The following KRT5 variants were observed in gnomAD, a reference collection of about 807,000 sequenced individuals.
KRT5 encodes the protein keratin 5, also known as keratin, type II cytoskeletal 5.
Under a neutral mutation model 44.0 loss-of-function variants are expected in KRT5, and 17 were observed. The ratio of observed to expected loss-of-function variants is 0.39; its 90% CI spans 0.26 to 0.58. The LOEUF (loss-of-function observed/expected upper bound fraction) is 0.58, where lower values mean the gene tolerates loss of function less well. Among genes scored for constraint, KRT5 ranks in the 20% least tolerant of loss-of-function variants. The pLI, the probability that KRT5 is intolerant of heterozygous loss-of-function variation, is 0.61. For missense variants in KRT5, 737 were observed against 785.5 expected (o/e 0.94, Z 0.74); for synonymous variants, 329 against 312.8 (o/e 1.05, Z -0.55).
In KRT5 at chr12:52,519,085, C is replaced by T. The variant is rs147498164; in HGVS notation, c.631G>A (p.Val211Met). The change falls in exon 2 of 9, where the codon GTG becomes ATG. Residue 211 changes from valine to methionine, a missense_variant. By Grantham distance (21) the Val-to-Met change is conservative (BLOSUM62 1). Transcript: ENST00000252242. ...TLLQEQGTKT[V>M]RQNLEPLFEQ... is the part of the protein sequence containing the mutation. The stretch of plus-strand genomic sequence containing the variant: ...AACAACGGCTCCAGGTTCTGCCTCA[C>T]AGTCTTGGTGCCCTGCTCCTGCAGC... The T allele has an allele frequency of 1.9e-3, 3,088 of 1,614,208 alleles. 65 individuals are homozygous for T. The African/African-American group carries it at 0.038, about 20-fold the overall frequency.
intron 7 of KRT5, 197 bp downstream of exon 7, chr12:52,516,440 A>C: frequency 1.2e-5 from 7 of 606,844 alleles, no homozygotes; most frequent in East Asian, 6.1e-5. Context: ...GTGCCCAGGA[A>C]CACCGGTGGG....
rs558868908 is a variant in KRT5, at chr12:52,516,887, G to T, written c.1219-30C>A. On this transcript the variant is annotated intron_variant, in intron 6 of 8. Coordinates refer to ENST00000252242, the MANE Select transcript of KRT5 (RefSeq NM_000424.4). Reference sequence around the variant, plus strand: ...AGATAGAAAGGAGGAGAGTGGGGTTGCTTGGGACCTGAGGTGTCTCCTTCT... The same window carrying T: ...AGATAGAAAGGAGGAGAGTGGGGTTTCTTGGGACCTGAGGTGTCTCCTTCT... 5.6e-6 allele frequency: 9 copies of T among 1,610,890 alleles called. 1 individual carries two copies. The South Asian group carries it at 7.7e-5, about 14-fold the overall frequency.
intron 5 of KRT5, 102 bp from the exon 6 acceptor site, chr12:52,517,334 G>A: frequency 1.4e-6 from 2 of 1,448,886 alleles, no homozygotes; most frequent in Admixed American, 1.7e-5. Flanking sequence ...CAAATAGTGT[G>A]GGGCTGGTTC....
In KRT5 at chr12:52,520,253, C is replaced by T. The variant is rs372305341; in HGVS notation, c.44G>A (p.Arg15His). Reference sequence around the variant, plus strand: ...GATGGCAGAGGCGGTGCTGAAGCTACGACTGCCCCCGCTCCGGAAGGACAC... The same window carrying T: ...GATGGCAGAGGCGGTGCTGAAGCTATGACTGCCCCCGCTCCGGAAGGACAC... ...SSVSFRSGGS[R>H]SFSTASAITP... The change falls in exon 1 of 9, where the codon CGT becomes CAT. Residue 15 changes from arginine to histidine, a missense_variant. Physicochemically the swap from Arg to His is conservative, Grantham distance 29. Around this residue, in one of 5 missense-constraint regions of KRT5, gnomAD observed 326 missense variants for 333.1 expected, o/e 0.98. Transcript: ENST00000252242. 60 of 1,613,848 alleles carry T rather than the reference C, an allele frequency of 3.7e-5. 1 individual carries two copies. The South Asian group carries it at 4.5e-4, about 12-fold the overall frequency.
chr12:52,520,280 C>T lies in KRT5; in HGVS notation c.17G>A (p.Ser6Asn). 1 of 1,613,440 alleles carries T rather than the reference C, an allele frequency of 6.2e-7. No homozygotes were observed. The highest frequency in any genetic ancestry group is 8.5e-7 in the Non-Finnish European group (1 of 1,180,022). Residue 6 changes from serine (S) to asparagine (N), a missense_variant, in exon 1 of 9, where the codon AGT becomes AAT. Physicochemically the swap from Ser to Asn is conservative, Grantham distance 46 (BLOSUM62 1). Transcript: ENST00000252242. MSRQS[S>N]VSFRSGGSRS... ...ACTGCCCCCGCTCCGGAAGGACACACTTGACTGGCGAGACATGGTGGCTTG... is the reference window on the plus strand; with the variant it reads ...ACTGCCCCCGCTCCGGAAGGACACATTTGACTGGCGAGACATGGTGGCTTG...
At position 52,516,766 on chromosome 12, in the gene KRT5, T is replaced by C. The variant is rs752855887; in HGVS notation, c.1310A>G (p.Glu437Gly). ...DARNKLAELE[E>G]ALQKAKQDMA... The stretch of plus-strand genomic sequence containing the variant: ...GTCCTGCTTGGCCTTCTGCAGGGCC[T>C]CCTCCAGCTCGGCCAGCTTGTTCCT... Residue 437 changes from glutamate to glycine, a missense_variant, in exon 7 of 9, where the codon GAG becomes GGG. Physicochemically the swap from Glu to Gly is moderately conservative, Grantham distance 98 (BLOSUM62 -2). Transcript: ENST00000252242. The C allele has an allele frequency of 3.7e-6, 6 of 1,614,180 alleles. No homozygotes were observed. In the East Asian group the frequency reaches 1.3e-4, roughly 36 times the overall value.
Position 52,516,744 on chromosome 12 carries a change from C to A in KRT5, c.1332G>T (p.Gln444His), listed in dbSNP as rs1938617462. 1 of 1,614,246 alleles carries A rather than the reference C, an allele frequency of 6.2e-7. No individual in the cohort carries two copies. The change falls in exon 7 of 9, where the codon CAG becomes CAT. Residue 444 changes from glutamine to histidine, a missense_variant. By Grantham distance (24) the Gln-to-His change is conservative. Around this residue, in one of 5 missense-constraint regions of KRT5, gnomAD observed 344 missense variants for 351.6 expected, o/e 0.98. Transcript: ENST00000252242. ...ACTCACGCAGCAGCCGGGCCATGTC[C>A]TGCTTGGCCTTCTGCAGGGCCTCCT... is the stretch of plus-strand genomic sequence containing the variant. ...ELEEALQKAKQDMARLLREYQ... is the reference protein window; with the variant it reads ...ELEEALQKAKHDMARLLREYQ...
At chr12:52,516,136 G>T in intron 7 of KRT5, 2 of 513,780 alleles carry the variant, frequency 3.9e-6, no homozygotes, top group East Asian at 3.4e-5. Context: ...CCTTGTAGGA[G>T]TTACATTCTG....
intron 3 of KRT5, 22 bp downstream of exon 3, chr12:52,518,081 G>A: frequency 4.3e-6 from 7 of 1,613,932 alleles, no homozygotes; most frequent in Non-Finnish European, 5.1e-6. Context: ...CAGGCTGCTG[G>A]TTCTCTCCCA....
chr12:52,516,825 G>A lies in KRT5; in HGVS notation c.1251C>T (p.Ala417=), dbSNP rs553666316. 1.9e-5 allele frequency: 30 copies of A among 1,614,184 alleles called. No individual in the cohort carries two copies. Among genetic ancestry groups the A allele is most frequent in the African/African-American group, 1.2e-4 (9 of 75,056 alleles). ...CANLQNAIAD[A]EQRGELALKD... ...TGAGGGCCAGCTCCCCACGCTGCTC[G>A]GCATCCGCAATGGCGTTCTGCAGAT... The change falls in exon 7 of 9, where the codon GCC becomes GCT. Residue 417 remains alanine (A), a synonymous_variant. Coordinates refer to ENST00000252242, the MANE Select transcript of KRT5 (RefSeq NM_000424.4).
Position 52,519,757 on chromosome 12 carries a change from G to T in KRT5, c.540C>A (p.Ala180=), listed in dbSNP as rs374232804. 6.2e-7 allele frequency: 1 copy of T among 1,613,980 alleles called. No individual in the cohort carries two copies. Among genetic ancestry groups the T allele is most frequent in the South Asian group, 1.1e-5 (1 of 91,054 alleles). The stretch of plus-strand genomic sequence containing the variant: ...CGTAGCTCACCTTGTCGATGAAGGA[G>T]GCAAACTTATTGTTGAGGGTCTTGA... ...EQIKTLNNKF[A]SFIDKVRFLE... The change falls in exon 1 of 9, where the codon GCC becomes GCA. Residue 180 remains alanine, a synonymous_variant. Transcript: ENST00000252242.
Position 52,520,062 on chromosome 12 carries a change from T to G in KRT5, c.235A>C (p.Ser79Arg). Residue 79 changes from serine to arginine, a missense_variant, in exon 1 of 9, where the codon AGT (serine) becomes CGT (arginine). This residue lies in a region of KRT5 where 326 missense variants were observed against 333.1 expected (regional missense o/e 0.98). Coordinates refer to ENST00000252242, the MANE Select transcript of KRT5 (RefSeq NM_000424.4). The part of the protein sequence containing the change: ...GGSKRISIST[S>R]GGSFRNRFGA... ...AACCGGTTCCTGAAGCTGCCACCAC[T>G]AGTGCTGATGGATATCCTCTTGGAG... 2.5e-6 allele frequency: 4 copies of G among 1,613,912 alleles called. No individual in the cohort carries two copies. The highest frequency in any genetic ancestry group is 4.5e-5 in the East Asian group (2 of 44,852).
Position 52,514,948 on chromosome 12 carries a change from C to T in KRT5, c.1767G>A (p.Lys589=). The T allele has an allele frequency of 6.2e-7, 1 of 1,613,622 alleles. No individual in the cohort carries two copies. Among genetic ancestry groups the T allele is most frequent in the Non-Finnish European group, 8.5e-7 (1 of 1,179,898 alleles). The change falls in exon 9 of 9, where the codon AAG becomes AAA. Residue 589 remains lysine (K), a synonymous_variant. Coordinates refer to ENST00000252242, the MANE Select transcript of KRT5 (RefSeq NM_000424.4). ...STTSSSRKSF[K]S ...AGTGACTTGCAGCAGGTTCTTAGCTCTTGAAGCTCTTCCGGGAGGAGGAGG... is the reference window on the plus strand; with the variant it reads ...AGTGACTTGCAGCAGGTTCTTAGCTTTTGAAGCTCTTCCGGGAGGAGGAGG...
At chr12:52,517,849 T>G (rs1482118062) in intron 4 of KRT5, 48 bp downstream of exon 4, 2 of 1,609,968 alleles carry the variant, frequency 1.2e-6, no homozygotes, top group Middle Eastern at 1.7e-4. Context: ...TATGACAACT[T>G]GAGGAAAAAA....
At chr12:52,518,027 C>T (rs373654288) in intron 3 of KRT5, 35 bp from the exon 4 acceptor site, 321 of 1,610,162 alleles carry the variant, frequency 2.0e-4, no homozygotes, top group Non-Finnish European at 2.6e-4. Context: ...CTGCACACAC[C>T]GTCACCCTAC....
Position 52,514,986 on chromosome 12 carries a change from AT to A in KRT5, c.1728del (p.Lys576AsnfsTer51). ...GSGGGSSSSV[K>X]FVSTTSSSRK... is the part of the protein sequence containing the mutation. ...CGGGAGGAGGAGGTGGTGGAGACAA[AT>A]TTGACGCTGGAGCTGCTACCCCCGC... On this transcript the variant is annotated frameshift_variant, in exon 9 of 9. Transcript: ENST00000252242. LOFTEE classifies it high-confidence loss of function. 6.2e-7 allele frequency: 1 copy of A among 1,613,038 alleles called. No individual in the cohort carries two copies. Among genetic ancestry groups the A allele is most frequent in the Non-Finnish European group, 8.5e-7 (1 of 1,179,850 alleles).
At chr12:52,518,219 TC>T (rs1938647568) in intron 2 of KRT5, 56 bp from the exon 3 acceptor site, 1 of 1,532,138 alleles carries the variant, frequency 6.5e-7, no homozygotes, top group Non-Finnish European at 9.0e-7. Context: ...AGGTAAGGGG[TC>T]TTTATTATGC....
In KRT5 at chr12:52,517,169, T is replaced by C. The variant is rs1364056877; in HGVS notation, c.1156A>G (p.Ile386Val). The C allele has an allele frequency of 6.2e-7, 1 of 1,614,138 alleles. No individual in the cohort carries two copies. The highest frequency in any genetic ancestry group is 8.5e-7 in the Non-Finnish European group (1 of 1,180,022). Residue 386 changes from isoleucine (I) to valine (V), a missense_variant, in exon 6 of 9, where the codon ATC becomes GTC. Physicochemically the swap from Ile to Val is conservative, Grantham distance 29 (BLOSUM62 3). Transcript: ENST00000252242. ...GDDLRNTKHE[I>V]SEMNRMIQRL... ...TGGATCATCCGGTTCATCTCAGAGA[T>C]CTCATGCTTGGTGTTGCGGAGGTCA...
chr12:52,516,732 C>T lies in KRT5; in HGVS notation c.1344G>A (p.Arg448=), dbSNP rs1199438663. 1 of 1,614,244 alleles carries T rather than the reference C, an allele frequency of 6.2e-7. No individual in the cohort carries two copies. The highest frequency in any genetic ancestry group is 2.2e-5 in the East Asian group (1 of 44,876). The change falls in exon 7 of 9, where the codon CGG becomes CGA. Residue 448 remains arginine (R), a synonymous_variant. Transcript: ENST00000252242. ...TGAGCTCCTGGTACTCACGCAGCAGCCGGGCCATGTCCTGCTTGGCCTTCT... is the reference window on the plus strand; with the variant it reads ...TGAGCTCCTGGTACTCACGCAGCAGTCGGGCCATGTCCTGCTTGGCCTTCT... ...ALQKAKQDMA[R]LLREYQELMN... is the part of the protein sequence containing the mutation.
Sources: gnomAD v4.1 joint callset for allele counts on GRCh38, gnomAD v4.1.1 for gene constraint, gnomAD v4.1.1 regional missense constraint, MANE v1.5 for transcripts, NCBI Gene and HGNC (gene_info 2026-07-23, HGNC 2026-07-21) for gene names.